UHRF2: variants seen among roughly 807,000 people sequenced by gnomAD.
UHRF2 encodes ubiquitin like with PHD and ring finger domains 2, also known as E3 ubiquitin-protein ligase UHRF2.
Under a neutral mutation model 96.8 loss-of-function variants are expected in UHRF2, and 23 were observed. The observed-to-expected ratio is 0.24, with a 90% CI of 0.17 to 0.34. UHRF2 has a LOEUF of 0.34. UHRF2 is among the 10% of genes least tolerant of loss of function. UHRF2 has a pLI of 1.00. For synonymous variants in UHRF2, 385 were observed against 332.6 expected (o/e 1.16, Z -1.72); for missense variants, 685 against 981.5 (o/e 0.70, Z 4.04).
chr9:6,457,214 G>A (rs1222255582), intron 3 of UHRF2, among the ~76,000 whole-genome samples: 1 of 151,926 alleles, frequency 6.6e-6, no homozygotes, highest in Non-Finnish European at 1.5e-5. Context: ...TTTTGGTGAG[G>A]TCCTTCACAT....
At position 6,504,709 on chromosome 9, in the gene UHRF2, C is replaced by T; in HGVS notation, c.2262+18C>T. ...TCTGTAAAGTAAGTAGAATTCCTTCCTCACTTTCCCTGTTAGGTATGAAGG... is the reference window on the plus strand; with the variant it reads ...TCTGTAAAGTAAGTAGAATTCCTTCTTCACTTTCCCTGTTAGGTATGAAGG... On this transcript the variant is annotated intron_variant, in intron 15 of 15. Transcript: ENST00000276893. 6.3e-7 allele frequency: 1 copy of T among 1,591,032 alleles called. No homozygotes were observed. The highest frequency in any genetic ancestry group is 8.6e-7 in the Non-Finnish European group (1 of 1,161,338).
At chr9:6,482,979 G>T (rs1824013245) in intron 8 of UHRF2, among the ~76,000 whole-genome samples, 1 of 151,998 alleles carries the variant, frequency 6.6e-6, no homozygotes, top group African/African-American at 2.4e-5. Flanking sequence ...GTATCTGTCG[G>T]GGATTGGTTC....
intron 1 of UHRF2, among the ~76,000 whole-genome samples, chr9:6,418,434 C>T (rs564883121): frequency 6.6e-6 from 1 of 151,842 alleles, no homozygotes; most frequent in Non-Finnish European, 1.5e-5. Context: ...AATTCTTGAT[C>T]CCTTGTTCTA....
intron 4 of UHRF2, among the ~76,000 whole-genome samples, chr9:6,469,001 A>C (rs1355059016): frequency 2.0e-5 from 3 of 152,178 alleles, no homozygotes; most frequent in Non-Finnish European, 4.4e-5. Context: ...CCATTCTGCC[A>C]AAAGACGGTG....
chr9:6,503,285 C>G (rs1041905498), intron 14 of UHRF2, among the ~76,000 whole-genome samples: 4 of 152,126 alleles, frequency 2.6e-5, no homozygotes, highest in African/African-American at 7.2e-5. Flanking sequence ...TGTGAACCAC[C>G]ATGCTTGGCC....
chr9:6,418,007 G>C (rs1819711659), intron 1 of UHRF2, among the ~76,000 whole-genome samples: 1 of 152,028 alleles, frequency 6.6e-6, no homozygotes. Context: ...TATGCTACTA[G>C]TTAATTTGCA....
At chr9:6,472,097 C>T (rs931214850) in intron 4 of UHRF2, among the ~76,000 whole-genome samples, 5 of 152,178 alleles carry the variant, frequency 3.3e-5, no homozygotes, top group African/African-American at 1.2e-4. Context: ...ACAATGTTTT[C>T]ATCACTCCCA....
At chr9:6,490,638 A>G (rs1481294640) in intron 9 of UHRF2, among the ~76,000 whole-genome samples, 2 of 152,232 alleles carry the variant, frequency 1.3e-5, no homozygotes, top group Non-Finnish European at 2.9e-5. Flanking sequence ...TAAAAAGAAG[A>G]AAAGAATATT....
intron 12 of UHRF2, 92 bp downstream of exon 12, chr9:6,498,250 A>G (rs1350146711): frequency 2.2e-6 from 3 of 1,356,310 alleles, no homozygotes; most frequent in East Asian, 4.9e-5. Flanking sequence ...AACCCACAGC[A>G]ATTGACTGGT....
At chr9:6,445,974 C>G (rs200525197) in intron 3 of UHRF2, among the ~76,000 whole-genome samples, 43 of 106,178 alleles carry the variant, frequency 4.0e-4, no homozygotes, top group African/African-American at 1.6e-3. Flanking sequence ...CTTCCCCCCC[C>G]GCCACCCTTT....
chr9:6,478,355 T>C (rs1454238496), intron 6 of UHRF2, among the ~76,000 whole-genome samples: 1 of 152,248 alleles, frequency 6.6e-6, no homozygotes, highest in Admixed American at 6.5e-5. Context: ...GGTAATCCTT[T>C]ATGGATGGTC....
At chr9:6,424,669 C>G (rs1039701629) in intron 2 of UHRF2, among the ~76,000 whole-genome samples, 3 of 151,800 alleles carry the variant, frequency 2.0e-5, no homozygotes, top group African/African-American at 2.4e-5. Flanking sequence ...CCCATATTTT[C>G]TTAGCTTTTA....
At chr9:6,465,161 A>G (rs1297404467) in intron 4 of UHRF2, among the ~76,000 whole-genome samples, 3 of 152,208 alleles carry the variant, frequency 2.0e-5, no homozygotes, top group Admixed American at 6.5e-5. Flanking sequence ...AAGAGAAAAC[A>G]TATAAAATTT....
At chr9:6,492,897 T>C (rs1297614058) in intron 9 of UHRF2, 1 of 151,416 alleles carries the variant, frequency 6.6e-6, no homozygotes, top group African/African-American at 2.4e-5. Flanking sequence ...TTTTTCAAAT[T>C]TTTTCCAAAT....
chr9:6,449,281 T>TGAC (rs1268427336), intron 3 of UHRF2: 1 of 152,294 alleles, frequency 6.6e-6, no homozygotes, highest in Non-Finnish European at 1.5e-5. Context: ...TGACCAAGTG[T>TGAC]GACAGTGCTT....
At chr9:6,474,888 A>G (rs1823470465) in intron 4 of UHRF2, among the ~76,000 whole-genome samples, 1 of 152,200 alleles carries the variant, frequency 6.6e-6, no homozygotes, top group Non-Finnish European at 1.5e-5. Context: ...TTTATTGGAA[A>G]TTTATTTTTT....
Position 6,458,192 on chromosome 9 carries a change from G to A in UHRF2, c.645-2381G>A, listed in dbSNP as rs529658960. Among the ~76,000 whole-genome samples, 4 of 152,206 alleles carry A rather than the reference G, an allele frequency of 2.6e-5. No homozygotes were observed. The East Asian group carries it at 7.7e-4, about 29-fold the overall frequency. ...GGTCTCAATTTCGGAACTTGTTATT[G>A]GTCTATTTAGGGATTCGACTTCTTC... On this transcript the variant is annotated intron_variant, in intron 3 of 15. Coordinates refer to ENST00000276893, the MANE Select transcript of UHRF2 (RefSeq NM_152896.3).
Position 6,413,566 on chromosome 9 carries a change from G to A in UHRF2, c.76G>A (p.Glu26Lys). The change falls in exon 1 of 16, where the codon GAG (glutamate) becomes AAG (lysine). Residue 26 changes from glutamate (E) to lysine (K), a missense_variant. This residue lies in a region of UHRF2 where 38 missense variants were observed against 35.9 expected (regional missense o/e 1.06). Coordinates refer to ENST00000276893, the MANE Select transcript of UHRF2 (RefSeq NM_152896.3). ...IEDVSRKATI[E>K]ELRERVWALF... ...GGACGTGTCTCGCAAAGCCACGATT[G>A]AGGAGCTGCGCGAGCGGGTGTGGGC... 6.2e-7 allele frequency: 1 copy of A among 1,602,258 alleles called. No individual in the cohort carries two copies. Among genetic ancestry groups the A allele is most frequent in the Non-Finnish European group, 8.5e-7 (1 of 1,174,902 alleles).
intron 8 of UHRF2, among the ~76,000 whole-genome samples, chr9:6,484,331 C>A (rs1486948943): frequency 6.6e-6 from 1 of 152,060 alleles, no homozygotes; most frequent in South Asian, 2.1e-4. Context: ...CAGCCTTGGC[C>A]TCCCAAAGCA....
Sources: gnomAD v4.1 joint callset for allele counts (sites outside exome capture counted in the v4.1 genomes callset) on GRCh38, gnomAD v4.1.1 for gene constraint, gnomAD v4.1.1 regional missense constraint, MANE v1.5 for transcripts, NCBI Gene and HGNC (gene_info 2026-07-23, HGNC 2026-07-21) for gene names.